GPC5: variants seen among roughly 807,000 people sequenced by gnomAD.
The protein encoded by GPC5 is glypican-5.
Under a neutral mutation model 53.9 loss-of-function variants are expected in GPC5, and 47 were observed. The ratio of observed to expected loss-of-function variants is 0.87; its 90% confidence interval spans 0.69 to 1.11. The LOEUF is 1.11. GPC5 is among the 50% of genes most tolerant of loss of function. GPC5 has a pLI of 0.00. For missense variants in GPC5, 748 were observed against 713.1 expected (o/e 1.05, Z -0.56); for synonymous variants, 286 against 263.3 (o/e 1.09, Z -0.84).
At chr13:92,151,345 T>C (rs555057191) in intron 7 of GPC5, among the ~76,000 whole-genome samples, 1 of 152,282 alleles carries the variant, frequency 6.6e-6, no homozygotes, top group African/African-American at 2.4e-5. Flanking sequence ...CTACAGATGA[T>C]GTTACTATTC....
intron 7 of GPC5, among the ~76,000 whole-genome samples, chr13:92,655,168 T>G (rs1886085526): frequency 6.6e-6 from 1 of 152,164 alleles, no homozygotes; most frequent in Non-Finnish European, 1.5e-5. Context: ...TTGTTTGAAG[T>G]CACCAAGTTT....
intron 7 of GPC5, among the ~76,000 whole-genome samples, chr13:92,217,257 G>A: frequency 6.6e-6 from 1 of 152,148 alleles, no homozygotes; most frequent in Non-Finnish European, 1.5e-5. Flanking sequence ...TACTGACAAG[G>A]TTCTTTGCTT....
At chr13:91,544,216 A>C (rs1028367572) in intron 2 of GPC5, among the ~76,000 whole-genome samples, 1 of 36,040 alleles carries the variant, frequency 2.8e-5, no homozygotes, top group African/African-American at 4.3e-5. Context: ...TGGCTAATTG[A>C]CTTAGGAATT....
intron 6 of GPC5, among the ~76,000 whole-genome samples, chr13:92,084,859 G>C: frequency 6.6e-6 from 1 of 152,138 alleles, no homozygotes; most frequent in East Asian, 1.9e-4. Flanking sequence ...ATTACTATAA[G>C]AAAACACGTT....
Position 92,659,464 on chromosome 13 carries a change from A to G in GPC5, c.1562-206818A>G, listed in dbSNP as rs180724132. Reference sequence around the variant, plus strand: ...TACACTATTAGCTATGCTAGCCCTTATTTATTCGTGACTCCCTATCTCTAG... The same window carrying G: ...TACACTATTAGCTATGCTAGCCCTTGTTTATTCGTGACTCCCTATCTCTAG... On this transcript the variant is annotated intron_variant, in intron 7 of 7. Transcript: ENST00000377067. Among the ~76,000 whole-genome samples, 6 of 137,570 alleles carry G rather than the reference A, an allele frequency of 4.4e-5. 1 individual carries two copies. The East Asian group carries it at 1.3e-3, about 30-fold the overall frequency. 90.3% of individuals were successfully genotyped at this position (137,570 alleles called of 152,430 possible).
chr13:91,441,635 G>T (rs557164957), intron 1 of GPC5, among the ~76,000 whole-genome samples: 114 of 152,238 alleles, frequency 7.5e-4, no homozygotes, highest in African/African-American at 2.6e-3. Context: ...CACAGAGGCT[G>T]GCTAGCTCTC....
intron 7 of GPC5, among the ~76,000 whole-genome samples, chr13:92,636,507 A>G (rs1189320321): frequency 6.6e-6 from 1 of 152,032 alleles, no homozygotes; most frequent in Non-Finnish European, 1.5e-5. Flanking sequence ...CTTGCTTCTT[A>G]CCTTATACTT....
intron 7 of GPC5, among the ~76,000 whole-genome samples, chr13:92,660,485 G>GT (rs2139184450): frequency 6.6e-6 from 1 of 151,438 alleles, no homozygotes; most frequent in South Asian, 2.1e-4. Context: ...ACACATACAT[G>GT]TATATATACA....
chr13:92,716,430 G>C (rs1479936986), intron 7 of GPC5, among the ~76,000 whole-genome samples: 1 of 151,744 alleles, frequency 6.6e-6, no homozygotes, highest in East Asian at 1.9e-4. Context: ...ACCACATCTA[G>C]AAAGTCTTCC....
At chr13:92,724,305 AAAGAT>A (rs1343995218) in intron 7 of GPC5, among the ~76,000 whole-genome samples, 1 of 151,654 alleles carries the variant, frequency 6.6e-6, no homozygotes, top group African/African-American at 2.4e-5. Context: ...AACTCTTAGA[AAAGAT>A]ATCAGGCACA....
At chr13:92,063,486 A>C (rs1369235571) in intron 6 of GPC5, among the ~76,000 whole-genome samples, 1 of 152,184 alleles carries the variant, frequency 6.6e-6, no homozygotes, top group African/African-American at 2.4e-5. Flanking sequence ...ACCTTCTGAG[A>C]AAGTATTTGC....
intron 2 of GPC5, among the ~76,000 whole-genome samples, chr13:91,473,789 C>A (rs1042070843): frequency 1.3e-5 from 2 of 152,106 alleles, no homozygotes; most frequent in African/African-American, 4.8e-5. Context: ...CATCTTTTAG[C>A]AGTGTTAGTT....
chr13:92,611,950 G>C (rs1884452360), intron 7 of GPC5, among the ~76,000 whole-genome samples: 2 of 152,022 alleles, frequency 1.3e-5, no homozygotes, highest in South Asian at 4.1e-4. Flanking sequence ...TGCATGGTAG[G>C]CTTATTTGCA....
intron 7 of GPC5, among the ~76,000 whole-genome samples, chr13:92,698,470 T>C (rs1231207137): frequency 1.3e-5 from 2 of 152,294 alleles, no homozygotes; most frequent in East Asian, 3.9e-4. Flanking sequence ...TCCAGCTTCA[T>C]CCATGTCCCT....
intron 4 of GPC5, among the ~76,000 whole-genome samples, chr13:91,735,860 T>C (rs553152648): frequency 3.0e-4 from 46 of 151,394 alleles, no homozygotes; most frequent in South Asian, 6.2e-4. Context: ...TGATTATTTG[T>C]GATAGCTGAG....
At chr13:92,019,019 T>C in intron 6 of GPC5, among the ~76,000 whole-genome samples, 1 of 152,034 alleles carries the variant, frequency 6.6e-6, no homozygotes, top group Non-Finnish European at 1.5e-5. Flanking sequence ...TATTGGTGTA[T>C]GTTCGATATT....
intron 7 of GPC5, among the ~76,000 whole-genome samples, chr13:92,829,254 A>C (rs965761422): frequency 2.6e-5 from 4 of 152,166 alleles, no homozygotes; most frequent in Non-Finnish European, 5.9e-5. Context: ...TTTACTTAAG[A>C]TATCTGATGT....
In GPC5 at chr13:92,788,248, TA is replaced by T. The variant is rs1004364540; in HGVS notation, c.1562-78025del. On this transcript the variant is annotated intron_variant, in intron 7 of 7. Coordinates refer to ENST00000377067, the MANE Select transcript of GPC5 (RefSeq NM_004466.6). ...CATGTATCTTTCTCAGATGATAGTG[TA>T]AAAAAAAAGATCAACAAGGATAAAA... Among the ~76,000 whole-genome samples the T allele has an allele frequency of 3.9e-4, 59 of 150,688 alleles. No homozygotes were observed. The South Asian group carries it at 4.8e-3, about 12-fold the overall frequency.
intron 7 of GPC5, among the ~76,000 whole-genome samples, chr13:92,588,702 T>C (rs1160477312): frequency 6.6e-6 from 1 of 152,206 alleles, no homozygotes; most frequent in Non-Finnish European, 1.5e-5. Flanking sequence ...TAGGACTCCA[T>C]AAGACAACTT....
Sources: allele counts gnomAD v4.1 joint callset (sites outside exome capture counted in the v4.1 genomes callset), GRCh38; gene constraint gnomAD v4.1.1; transcripts MANE v1.5; gene names NCBI Gene and HGNC (gene_info 2026-07-23, HGNC 2026-07-21).